The following NTSR1 variants were observed in gnomAD, a reference collection of about 807,000 sequenced individuals.
NTSR1 encodes neurotensin receptor 1, also known as neurotensin receptor type 1.
A neutral mutation model predicts 31.2 loss-of-function variants in NTSR1; 29 were observed. The observed-to-expected ratio is 0.93, with a 90% confidence interval of 0.69 to 1.27. The LOEUF is 1.27. NTSR1 is among the 50% of genes most tolerant of loss of function. The pLI, the probability that NTSR1 is intolerant of heterozygous loss-of-function variation, is 0.00. For missense variants in NTSR1, 697 were observed against 595.4 expected, an observed-to-expected ratio of 1.17 and a Z score of -1.78; for synonymous variants, 282 against 269.9, an observed-to-expected ratio of 1.04 and a Z score of -0.44.
intron 1 of NTSR1, among the ~76,000 whole-genome samples, chr20:62,749,636 C>A (rs1278747446): frequency 6.6e-6 from 1 of 152,050 alleles, no homozygotes; most frequent in East Asian, 1.9e-4. Context: ...GGAAAAGGGG[C>A]CTGAGTAGAC....
intron 1 of NTSR1, among the ~76,000 whole-genome samples, chr20:62,712,297 G>A (rs1018820823): frequency 2.0e-5 from 3 of 152,200 alleles, no homozygotes; most frequent in African/African-American, 7.2e-5. Context: ...GCTGAAGAGG[G>A]GCTGGATACC....
In NTSR1 at chr20:62,761,385, C is replaced by T. The variant is rs1390184675; in HGVS notation, c.*1118C>T. The T allele has an allele frequency of 1.3e-5, 2 of 152,358 alleles. No homozygotes were observed. The highest frequency in any genetic ancestry group is 3.9e-4 in the East Asian group (2 of 5,164). The allele number at this position is 152,358 out of a possible 1,614,324, so 9.4% of individuals were successfully genotyped here. A position where few individuals can be genotyped will look rare whatever the true frequency, so the allele number is the denominator to read the frequency against. On this transcript the variant is annotated 3_prime_UTR_variant, in exon 4 of 4. Coordinates refer to ENST00000370501, the MANE Select transcript of NTSR1 (RefSeq NM_002531.3). Reference sequence around the variant, plus strand: ...TGGGCTGAGGCACAGACTCATTTGTCACCTTCTGGCGGCGGCAGCCCTGGC... The same window carrying T: ...TGGGCTGAGGCACAGACTCATTTGTTACCTTCTGGCGGCGGCAGCCCTGGC...
chr20:62,720,224 C>T (rs997856176), intron 1 of NTSR1, among the ~76,000 whole-genome samples: 8 of 152,098 alleles, frequency 5.3e-5, no homozygotes, highest in Admixed American at 6.5e-5. Flanking sequence ...CGCTTTAACT[C>T]GGGAGGTGGA....
Position 62,758,490 on chromosome 20 carries a change from C to A in NTSR1, c.1007+134C>A. ...GTGAGTCCCCCGGCGACCCCCTGGG[C>A]AGGGTTGTGCTGTGACTGGGGCCGG... On this transcript the variant is annotated intron_variant, in intron 3 of 3. Transcript: ENST00000370501. This position sits in a 1 kb window ranked among gnomAD's most constrained non-coding sequence, Gnocchi z 4.5. 2.6e-6 allele frequency: 2 copies of A among 765,302 alleles called. No individual in the cohort carries two copies. The highest frequency in any genetic ancestry group is 2.2e-6 in the Non-Finnish European group (1 of 460,248). The allele number at this position is 765,302 out of a possible 1,614,324, so 47.4% of individuals were successfully genotyped here. A position where few individuals can be genotyped will look rare whatever the true frequency, so the allele number is the denominator to read the frequency against.
intron 2 of NTSR1, among the ~76,000 whole-genome samples, chr20:62,755,378 TCCA>T (rs1308527986): frequency 2.5e-4 from 1 of 4,018 alleles, no homozygotes; most frequent in Non-Finnish European, 4.6e-4. Flanking sequence ...CATCCCTCCA[TCCA>T]CCCTCCCTCC....
chr20:62,734,519 T>C (rs56254629), intron 1 of NTSR1, among the ~76,000 whole-genome samples: 15,980 of 152,140 alleles, frequency 0.11, 2,021 homozygotes, highest in East Asian at 0.31. Context: ...ACCTGGAGGC[T>C]CTGGGTTCTC....
At chr20:62,710,728 G>C (rs1988593396) in intron 1 of NTSR1, among the ~76,000 whole-genome samples, 1 of 152,212 alleles carries the variant, frequency 6.6e-6, no homozygotes, top group Non-Finnish European at 1.5e-5. Flanking sequence ...CGTGGCACGG[G>C]GGGTTCCAGT....
rs186856931 is a variant in NTSR1, at chr20:62,717,761, T to C, written c.714+7840T>C. Among the ~76,000 whole-genome samples the C allele has an allele frequency of 3.1e-4, 47 of 151,958 alleles. No homozygotes were observed. In the East Asian group the frequency reaches 8.2e-3, roughly 26 times the overall value. ...CTTCCTTCATTCACTCATCATTCAT[T>C]CACTGAACACCTACCACATGCCAGG... is the stretch of plus-strand genomic sequence containing the variant. On this transcript the variant is annotated intron_variant, in intron 1 of 3. Coordinates refer to ENST00000370501, the MANE Select transcript of NTSR1 (RefSeq NM_002531.3).
rs895277728 is a variant in NTSR1 at position 62,745,973 on chromosome 20, A to G, written c.715-8712A>G. 2.0e-5 allele frequency among the ~76,000 whole-genome samples: 3 copies of G among 152,236 alleles called. No individual in the cohort carries two copies. The highest frequency in any genetic ancestry group is 7.2e-5 in the African/African-American group (3 of 41,468). On this transcript the variant is annotated intron_variant, in intron 1 of 3. Transcript: ENST00000370501. The surrounding 1 kb of genome is among the most constrained non-coding windows in gnomAD (Gnocchi z 4.1). ...TGAGGCATCCTCTGGCCGGCCCTGC[A>G]TGGCCTTCAAGCTGCTTGAGTCCAT...
chr20:62,724,875 C>G (rs1165541754), intron 1 of NTSR1, among the ~76,000 whole-genome samples: 1 of 152,196 alleles, frequency 6.6e-6, no homozygotes, highest in Non-Finnish European at 1.5e-5. Context: ...TCTGTCTCCA[C>G]GTGGCTTCCC....
At chr20:62,727,490 C>A (rs1988928473) in intron 1 of NTSR1, among the ~76,000 whole-genome samples, 1 of 152,356 alleles carries the variant, frequency 6.6e-6, no homozygotes, top group South Asian at 2.1e-4. Context: ...GGTCTGGAGC[C>A]ACCTCTGCAC....
At chr20:62,759,943 T>C in intron 3 of NTSR1, 75 bp from the exon 4 acceptor site, 6 of 1,478,708 alleles carry the variant, frequency 4.1e-6, no homozygotes, top group Non-Finnish European at 5.6e-6. Flanking sequence ...TCAGCCGCTG[T>C]GGCCCCGGCT....
chr20:62,734,586 G>T (rs1989054351), intron 1 of NTSR1, among the ~76,000 whole-genome samples: 1 of 152,244 alleles, frequency 6.6e-6, no homozygotes, highest in Non-Finnish European at 1.5e-5. Flanking sequence ...AGGCGCTGGT[G>T]TGCCTGGCCC....
At position 62,761,287 on chromosome 20, in the gene NTSR1, G is replaced by C. The variant is rs1165104202; in HGVS notation, c.*1020G>C. The C allele has an allele frequency of 1.3e-5, 2 of 152,468 alleles. No individual in the cohort carries two copies. The highest frequency in any genetic ancestry group is 1.3e-4 in the Admixed American group (2 of 15,304). The allele number at this position is 152,468 out of a possible 1,614,324, so 9.4% of individuals were successfully genotyped here. A position where few individuals can be genotyped will look rare whatever the true frequency, so the allele number is the denominator to read the frequency against. ...GCGATGGTGCCTGGTCTCTGAGTAA[G>C]ATGCCAGGTCCCAGGAACTCAGGCT... On this transcript the variant is annotated 3_prime_UTR_variant, in exon 4 of 4. Transcript: ENST00000370501.
Position 62,714,633 on chromosome 20 carries a change from A to T in NTSR1, c.714+4712A>T, listed in dbSNP as rs2147131785. ...TGAATCTCATGGAGCCCCTGATCCA[A>T]CACACAGGACACACCAGGGACAGAG... On this transcript the variant is annotated intron_variant, in intron 1 of 3. Coordinates refer to ENST00000370501, the MANE Select transcript of NTSR1 (RefSeq NM_002531.3). This position sits in a 1 kb window ranked among gnomAD's most constrained non-coding sequence, Gnocchi z 4.1. 6.6e-6 allele frequency among the ~76,000 whole-genome samples: 1 copy of T among 152,314 alleles called. No individual in the cohort carries two copies. The highest frequency in any genetic ancestry group is 2.1e-4 in the South Asian group (1 of 4,830).
At chr20:62,738,720 A>G (rs1447385565) in intron 1 of NTSR1, among the ~76,000 whole-genome samples, 3 of 152,208 alleles carry the variant, frequency 2.0e-5, no homozygotes, top group Non-Finnish European at 4.4e-5. Flanking sequence ...CCCGGGCTGG[A>G]GGCTGGGAAC....
chr20:62,760,014 G>T lies in NTSR1; in HGVS notation c.1008-4G>T, dbSNP rs147467834. The T allele has an allele frequency of 1.2e-6, 2 of 1,613,130 alleles. No homozygotes were observed. The highest frequency in any genetic ancestry group is 2.2e-5 in the South Asian group (2 of 91,072). On this transcript the variant is annotated splice_region_variant and splice_polypyrimidine_tract_variant and intron_variant, in intron 3 of 3. Coordinates refer to ENST00000370501, the MANE Select transcript of NTSR1 (RefSeq NM_002531.3). ...GGGATCTGAGCGCCTCTCTCTCCCC[G>T]CAGGTTCCTCTATGACTTCTACCAC...
intron 3 of NTSR1, among the ~76,000 whole-genome samples, chr20:62,759,769 C>T (rs571210002): frequency 7.1e-5 from 6 of 83,924 alleles, no homozygotes; most frequent in East Asian, 3.7e-4. Flanking sequence ...AGCGAGACTC[C>T]GTCTCAAAAA....
chr20:62,735,891 C>T (rs2427431), intron 1 of NTSR1, among the ~76,000 whole-genome samples: 121,403 of 152,216 alleles, frequency 0.8, 50,631 homozygotes, highest in South Asian at 0.94. Context: ...AGAACAGTTC[C>T]CCTTACCCTC....
Sources: gnomAD v4.1 joint callset for allele counts (sites outside exome capture counted in the v4.1 genomes callset) on GRCh38, gnomAD v4.1.1 for gene constraint, Gnocchi (gnomAD v3.1) non-coding constraint, MANE v1.5 for transcripts, NCBI Gene and HGNC (gene_info 2026-07-23, HGNC 2026-07-21) for gene names.